AVEN: variants seen among roughly 807,000 people sequenced by gnomAD.
AVEN encodes apoptosis and caspase activation inhibitor, also known as cell death regulator Aven.
In AVEN, 41 loss-of-function variants were observed where a neutral mutation model predicts 38.1. The observed-to-expected ratio is 1.08, with a 90% CI of 0.84 to 1.40. The LOEUF is 1.40. AVEN is among the 40% of genes most tolerant of loss of function. The pLI is 0.00. For missense variants in AVEN, 605 were observed against 438.8 expected, an observed-to-expected ratio of 1.38 and a Z score of -3.38; for synonymous variants, 206 against 171.8, an observed-to-expected ratio of 1.20 and a Z score of -1.56.
chr15:34,024,868 A>C (rs975122332), intron 1 of AVEN, among the ~76,000 whole-genome samples: 8 of 149,808 alleles, frequency 5.3e-5, no homozygotes, highest in African/African-American at 2.0e-4. Flanking sequence ...CTCAAAAAAA[A>C]AAGGAAAAAA....
downstream of AVEN, chr15:33,854,875 G>A (rs1226028784): frequency 1.9e-6 from 3 of 1,612,880 alleles, no homozygotes; most frequent in African/African-American, 2.7e-5. Flanking sequence ...AAGACACTGA[G>A]GACCATTCTG....
intron 2 of AVEN, among the ~76,000 whole-genome samples, chr15:33,894,558 C>T (rs1430639761): frequency 1.4e-5 from 2 of 146,468 alleles, no homozygotes; most frequent in African/African-American, 5.1e-5. Flanking sequence ...CAGTGGCTCA[C>T]TAGCACTTTG....
downstream of AVEN, chr15:33,854,987 G>A: frequency 1.5e-6 from 2 of 1,337,278 alleles, no homozygotes; most frequent in Non-Finnish European, 2.0e-6. Flanking sequence ...GTAGTATACA[G>A]TATATGACAG....
intron 5 of AVEN, among the ~76,000 whole-genome samples, chr15:34,051,721 C>T (rs563972744): frequency 6.6e-5 from 10 of 151,952 alleles, no homozygotes; most frequent in Middle Eastern, 3.2e-3. Context: ...CTTCTATGCA[C>T]GTAAACTAGA....
intron 2 of AVEN, among the ~76,000 whole-genome samples, chr15:33,896,570 C>A (rs931256382): frequency 2.0e-5 from 3 of 152,108 alleles, no homozygotes; most frequent in Non-Finnish European, 2.9e-5. Context: ...TTAACAATAT[C>A]CATGGTCTAA....
the AVEN span, chr15:33,853,060 C>G: frequency 6.2e-6 from 10 of 1,605,682 alleles, no homozygotes; most frequent in Non-Finnish European, 8.5e-6. Flanking sequence ...TTCCTAATAA[C>G]TACTGGGACA....
In AVEN at chr15:34,068,045, TAAG is replaced by T. The variant is rs569805098; in HGVS notation, n.785-1237_785-1235del. Among the ~76,000 whole-genome samples, 118 of 152,284 alleles carry T rather than the reference TAAG, an allele frequency of 7.7e-4. No individual in the cohort carries two copies. The Middle Eastern group carries it at 0.017, about 22-fold the overall frequency. On this transcript the variant is annotated intron_variant and non_coding_transcript_variant, in intron 2 of 11. Transcript: ENST00000675287. The stretch of plus-strand genomic sequence containing the variant: ...ATTTACAGAAAAGTTGCAAGAGTAA[TAAG>T]AAGAACTCCTAATGTCCTTCACCCA...
At chr15:33,891,790 T>C (rs981853836) in intron 2 of AVEN, among the ~76,000 whole-genome samples, 2 of 152,182 alleles carry the variant, frequency 1.3e-5, no homozygotes, top group African/African-American at 4.8e-5. Context: ...TTCTAGATCC[T>C]TGAGGAATCA....
At chr15:33,917,389 CACACACA>C (rs1243592378) in intron 2 of AVEN, among the ~76,000 whole-genome samples, 1,382 of 2,768 alleles carry the variant, frequency 0.5, 22 homozygotes, top group African/African-American at 0.51. Flanking sequence ...CACACACACA[CACACACA>C]CATGGAATAC....
chr15:33,963,073 G>C (rs948357495), intron 2 of AVEN, among the ~76,000 whole-genome samples: 1 of 152,080 alleles, frequency 6.6e-6, no homozygotes, highest in African/African-American at 2.4e-5. Flanking sequence ...TATATGAGAA[G>C]GAAAAAGAGC....
intron 2 of AVEN, among the ~76,000 whole-genome samples, chr15:33,935,907 A>G (rs1894042423): frequency 6.6e-6 from 1 of 152,210 alleles, no homozygotes; most frequent in African/African-American, 2.4e-5. Context: ...AGTTACCCTC[A>G]GTTACATATA....
chr15:33,963,768 G>C (rs1052405410), intron 2 of AVEN, among the ~76,000 whole-genome samples: 10 of 139,334 alleles, frequency 7.2e-5, no homozygotes, highest in African/African-American at 2.6e-4. Flanking sequence ...CTGCATTCCA[G>C]CCTGGGCGAC....
intron 2 of AVEN, among the ~76,000 whole-genome samples, chr15:33,919,679 A>G (rs76029814): frequency 0.013 from 1,941 of 152,344 alleles, 27 homozygotes; most frequent in Non-Finnish European, 0.021. Context: ...AAAGAAGAGC[A>G]AGCCAAAGGC....
At chr15:34,072,274 A>AAT (rs975772184) in intron 1 of AVEN, among the ~76,000 whole-genome samples, 2 of 151,656 alleles carry the variant, frequency 1.3e-5, no homozygotes, top group African/African-American at 4.8e-5. Flanking sequence ...GTCTTTAAAA[A>AAT]AATAATAATA....
intron 2 of AVEN, chr15:33,883,603 C>G (rs1175683387): frequency 6.6e-6 from 1 of 152,034 alleles, no homozygotes; most frequent in Non-Finnish European, 1.5e-5. Flanking sequence ...GTATGTATAT[C>G]ACAAAAAATA....
intron 5 of AVEN, among the ~76,000 whole-genome samples, 156 bp from the exon 6 acceptor site, chr15:33,866,884 G>A (rs547122018): frequency 2.6e-5 from 4 of 152,176 alleles, no homozygotes; most frequent in South Asian, 2.1e-4. Flanking sequence ...AATAAAGCTG[G>A]GTAGAGGATT....
intron 2 of AVEN, among the ~76,000 whole-genome samples, chr15:33,880,600 C>T (rs778535118): frequency 2.6e-5 from 4 of 152,124 alleles, no homozygotes; most frequent in Admixed American, 6.5e-5. Flanking sequence ...ATTCTGCCTA[C>T]AAGCAAAAGT....
chr15:33,886,334 G>C (rs1408785829), intron 2 of AVEN, among the ~76,000 whole-genome samples: 1 of 152,058 alleles, frequency 6.6e-6, no homozygotes, highest in Non-Finnish European at 1.5e-5. Flanking sequence ...ATGGAGTCTC[G>C]CTCTGTCGCC....
In AVEN at chr15:33,867,663, G is replaced by C. The variant is rs374124380; in HGVS notation, c.805C>G (p.Gln269Glu). 1.9e-6 allele frequency: 3 copies of C among 1,614,058 alleles called. No individual in the cohort carries two copies. The highest frequency in any genetic ancestry group is 2.5e-6 in the Non-Finnish European group (3 of 1,180,036). ...GACTGCAGTGGGGAAGTGGGTTTCT[G>C]AGAATCCCTTGAAGGACCCGGGCTT... is the stretch of plus-strand genomic sequence containing the variant. The part of the protein sequence containing the change: ...NPSPGPSRDS[Q>E]KPTSPLQSAG... Residue 269 changes from glutamine to glutamate, a missense_variant, in exon 5 of 6, where the codon CAG (glutamine) becomes GAG (glutamate). Gln to Glu is a conservative substitution (Grantham distance 29, BLOSUM62 2). Coordinates refer to ENST00000306730, the MANE Select transcript of AVEN (RefSeq NM_020371.3).
Sources: gnomAD v4.1 joint callset for allele counts (sites outside exome capture counted in the v4.1 genomes callset) on GRCh38, gnomAD v4.1.1 for gene constraint, MANE v1.5 for transcripts, NCBI Gene and HGNC (gene_info 2026-07-23, HGNC 2026-07-21) for gene names.